The following STXBP6 variants were observed in gnomAD, a reference collection of about 807,000 sequenced individuals.
STXBP6 encodes the protein syntaxin-binding protein 6.
A neutral mutation model predicts 26.9 loss-of-function variants in STXBP6; 21 were observed. That is an observed-to-expected ratio of 0.78 (90% CI 0.55 to 1.12). The LOEUF (loss-of-function observed/expected upper bound fraction) is 1.12, where lower values mean the gene tolerates loss of function less well. STXBP6 is among the 50% of genes most tolerant of loss of function. STXBP6 has a pLI of 0.00. For missense variants in STXBP6, 232 were observed against 257.9 expected (o/e 0.90, Z 0.69); for synonymous variants, 97 against 92.6 (o/e 1.05, Z -0.27).
At chr14:24,821,126 G>C (rs1217124925) in intron 4 of STXBP6, among the ~76,000 whole-genome samples, 1 of 152,192 alleles carries the variant, frequency 6.6e-6, no homozygotes, top group East Asian at 1.9e-4. Flanking sequence ...AGTTGGGAGA[G>C]GGCACAAGAA....
At chr14:24,983,825 T>C (rs914530336) in intron 1 of STXBP6, among the ~76,000 whole-genome samples, 1 of 152,236 alleles carries the variant, frequency 6.6e-6, no homozygotes, top group Non-Finnish European at 1.5e-5. Context: ...GAAAAAATAA[T>C]GAGCCTTTAA....
intron 1 of STXBP6, among the ~76,000 whole-genome samples, chr14:25,046,157 C>G (rs2075724366): frequency 6.6e-6 from 1 of 152,112 alleles, no homozygotes; most frequent in Non-Finnish European, 1.5e-5. Flanking sequence ...AGCAAAGATA[C>G]CATGTACTGA....
At chr14:24,890,542 T>C (rs193208490) in intron 2 of STXBP6, among the ~76,000 whole-genome samples, 27 of 152,058 alleles carry the variant, frequency 1.8e-4, no homozygotes, top group African/African-American at 5.8e-4. Context: ...ACTAGTACAA[T>C]AGATGAAAAG....
chr14:24,991,248 T>A (rs535627613), intron 1 of STXBP6, among the ~76,000 whole-genome samples: 39 of 152,260 alleles, frequency 2.6e-4, no homozygotes, highest in Non-Finnish European at 3.7e-4. Context: ...CCACTTCCAG[T>A]ACATATGCAG....
intron 2 of STXBP6, among the ~76,000 whole-genome samples, chr14:24,858,569 C>T (rs761008443): frequency 2.4e-4 from 36 of 152,252 alleles, no homozygotes; most frequent in Middle Eastern, 3.4e-3. Flanking sequence ...ATCCCCTTAA[C>T]ACCCACAATC....
At chr14:24,990,512 G>A (rs1472855215) in intron 1 of STXBP6, among the ~76,000 whole-genome samples, 1 of 151,962 alleles carries the variant, frequency 6.6e-6, no homozygotes, top group African/African-American at 2.4e-5. Context: ...TACAAAATTA[G>A]CCGGGCGTGA....
At chr14:24,853,329 T>C (rs1211862802) in intron 4 of STXBP6, among the ~76,000 whole-genome samples, 5 of 152,104 alleles carry the variant, frequency 3.3e-5, no homozygotes, top group Non-Finnish European at 7.4e-5. Flanking sequence ...CATACTAATT[T>C]ATCAGGGTGT....
chr14:24,848,235 T>C (rs2069030094), intron 4 of STXBP6, among the ~76,000 whole-genome samples: 1 of 152,190 alleles, frequency 6.6e-6, no homozygotes, highest in African/African-American at 2.4e-5. Context: ...ACTTTAATCC[T>C]CATGTCATCC....
intron 1 of STXBP6, among the ~76,000 whole-genome samples, chr14:25,003,584 C>T (rs2074818586): frequency 1.3e-5 from 2 of 152,170 alleles, no homozygotes; most frequent in South Asian, 4.1e-4. Flanking sequence ...TAGATTGAGT[C>T]ATACAGTACA....
intron 4 of STXBP6, among the ~76,000 whole-genome samples, chr14:24,820,220 G>A (rs961224232): frequency 6.6e-6 from 1 of 152,138 alleles, no homozygotes; most frequent in African/African-American, 2.4e-5. Flanking sequence ...ATTTAACTTT[G>A]TACCTGGGAT....
At chr14:24,884,133 G>T (rs925771290) in intron 2 of STXBP6, among the ~76,000 whole-genome samples, 10 of 152,082 alleles carry the variant, frequency 6.6e-5, no homozygotes, top group Admixed American at 5.9e-4. Flanking sequence ...GAAAAAGAAG[G>T]CTTCCACAAA....
At chr14:24,896,461 C>T (rs909232110) in intron 2 of STXBP6, among the ~76,000 whole-genome samples, 13 of 152,194 alleles carry the variant, frequency 8.5e-5, no homozygotes, top group Non-Finnish European at 1.6e-4. Flanking sequence ...ACCTGGGTCC[C>T]ACTCAAACCT....
chr14:24,965,673 G>A (rs957641322), intron 2 of STXBP6, among the ~76,000 whole-genome samples: 1 of 152,136 alleles, frequency 6.6e-6, no homozygotes, highest in Non-Finnish European at 1.5e-5. Flanking sequence ...TTATAGATGA[G>A]AAAACTGAAT....
At chr14:24,975,386 AC>A (rs1261150244) in intron 1 of STXBP6, among the ~76,000 whole-genome samples, 1 of 152,170 alleles carries the variant, frequency 6.6e-6, no homozygotes. Context: ...TTAAATTAAT[AC>A]CCTTCTTCTG....
chr14:24,934,580 C>T (rs920642032), intron 2 of STXBP6, among the ~76,000 whole-genome samples: 3 of 152,048 alleles, frequency 2.0e-5, no homozygotes, highest in Non-Finnish European at 2.9e-5. Context: ...AAAATAAAGG[C>T]TAAACATGGA....
intron 1 of STXBP6, among the ~76,000 whole-genome samples, chr14:24,981,646 C>T (rs567589277): frequency 5.3e-5 from 8 of 152,204 alleles, no homozygotes; most frequent in African/African-American, 1.9e-4. Context: ...TGTTATAATT[C>T]CTCTCCAACA....
chr14:25,049,256 T>A lies in STXBP6; in HGVS notation c.-33+622A>T. The A allele has an allele frequency of 1.0e-6, 1 of 985,388 alleles. No homozygotes were observed. The highest frequency in any genetic ancestry group is 1.2e-6 in the Non-Finnish European group (1 of 829,952). 61.0% of individuals were successfully genotyped at this position (985,388 alleles called of 1,614,324 possible). On this transcript the variant is annotated intron_variant, in intron 1 of 5. Transcript: ENST00000323944. The surrounding 1 kb of genome is among the most constrained non-coding windows in gnomAD (Gnocchi z 5.6). The stretch of plus-strand genomic sequence containing the variant: ...GTGTTGGTGAGGCTCGATGCCGGCG[T>A]GCACGGCAAGCGCGAATTCGGAACC...
At chr14:24,833,457 AT>A (rs1369710472) in intron 4 of STXBP6, among the ~76,000 whole-genome samples, 4 of 152,172 alleles carry the variant, frequency 2.6e-5, no homozygotes, top group African/African-American at 9.7e-5. Flanking sequence ...TAATCCCTTC[AT>A]TTTTTGTTAT....
intron 2 of STXBP6, among the ~76,000 whole-genome samples, chr14:24,962,482 A>G (rs549425082): frequency 1.3e-4 from 19 of 151,850 alleles, no homozygotes; most frequent in Non-Finnish European, 2.4e-4. Context: ...GGCACACGCC[A>G]CTACACCTGG....
Sources: gnomAD v4.1 joint callset for allele counts (sites outside exome capture counted in the v4.1 genomes callset) on GRCh38, gnomAD v4.1.1 for gene constraint, Gnocchi (gnomAD v3.1) non-coding constraint, MANE v1.5 for transcripts, NCBI Gene and HGNC (gene_info 2026-07-23, HGNC 2026-07-21) for gene names.